EFR3A: variants seen among roughly 807,000 people sequenced by gnomAD.
The protein encoded by EFR3A is protein EFR3 homolog A.
A neutral mutation model predicts 104.4 loss-of-function variants in EFR3A; 76 were observed. The observed-to-expected ratio is 0.73, with a 90% CI of 0.60 to 0.88. EFR3A has a LOEUF of 0.88. Ranked by LOEUF, EFR3A falls within the 40% of genes least tolerant of loss-of-function variation. EFR3A has a pLI of 0.00. For synonymous variants in EFR3A, 330 were observed against 330.0 expected (o/e 1.00, Z 0.00); for missense variants, 985 against 1,012.5 (o/e 0.97, Z 0.37).
intron 7 of EFR3A, among the ~76,000 whole-genome samples, chr8:131,956,827 C>A (rs563286434): frequency 1.8e-4 from 27 of 152,050 alleles, no homozygotes; most frequent in Non-Finnish European, 3.1e-4. Context: ...TAAAGGCTCC[C>A]TAAGCTTATG....
chr8:131,987,093 G>T (rs1820923960), intron 17 of EFR3A, among the ~76,000 whole-genome samples: 1 of 152,058 alleles, frequency 6.6e-6, no homozygotes, highest in African/African-American at 2.4e-5. Flanking sequence ...TATTTTGAAA[G>T]CATCAGCATA....
At chr8:131,987,248 T>C (rs1007667073) in intron 17 of EFR3A, among the ~76,000 whole-genome samples, 5 of 152,150 alleles carry the variant, frequency 3.3e-5, no homozygotes, top group African/African-American at 1.2e-4. Flanking sequence ...GTACACTTTT[T>C]AATTAACATG....
rs1221125734 is a variant in EFR3A at position 131,984,929 on chromosome 8, G to T, written c.1738G>T (p.Asp580Tyr). Reference sequence around the variant, plus strand: ...CTGATGTGTTTGTTTCTTATTAAAGGACAGTGCAATTATCAATGAGGATAA... The same window carrying T: ...CTGATGTGTTTGTTTCTTATTAAAGTACAGTGCAATTATCAATGAGGATAA... ...DLIRLAIALQ[D>Y]SAIINEDNLP... The change falls in exon 16 of 23, where the codon GAC becomes TAC. Residue 580 changes from aspartate to tyrosine, a missense_variant and splice_region_variant. Transcript: ENST00000254624. The T allele has an allele frequency of 6.2e-7, 1 of 1,612,872 alleles. No homozygotes were observed. The highest frequency in any genetic ancestry group is 1.7e-5 in the Admixed American group (1 of 59,888).
At chr8:131,989,633 T>G (rs1821064780) in intron 18 of EFR3A, among the ~76,000 whole-genome samples, 1 of 152,168 alleles carries the variant, frequency 6.6e-6, no homozygotes, top group Admixed American at 6.5e-5. Flanking sequence ...TCCAGAAAGA[T>G]CCAGATTGAT....
At chr8:131,908,667 T>C (rs1717017440) in intron 1 of EFR3A, among the ~76,000 whole-genome samples, 1 of 152,172 alleles carries the variant, frequency 6.6e-6, no homozygotes, top group African/African-American at 2.4e-5. Context: ...TTATTGCAAC[T>C]AGATGGGTCT....
intron 5 of EFR3A, among the ~76,000 whole-genome samples, chr8:131,953,578 C>T (rs1181432771): frequency 6.6e-6 from 1 of 151,908 alleles, no homozygotes; most frequent in East Asian, 1.9e-4. Context: ...TTTTATAGTC[C>T]TTTTAACGTT....
At chr8:131,989,912 ACTTATCT>A (rs778951839) in intron 18 of EFR3A, among the ~76,000 whole-genome samples, 26 of 152,218 alleles carry the variant, frequency 1.7e-4, no homozygotes, top group Non-Finnish European at 3.2e-4. Context: ...ATTGTATTTT[ACTTATCT>A]CTTATCAACC....
At chr8:131,932,990 A>C (rs1817687755) in intron 1 of EFR3A, among the ~76,000 whole-genome samples, 2 of 152,284 alleles carry the variant, frequency 1.3e-5, no homozygotes, top group South Asian at 4.1e-4. Flanking sequence ...CATATTAATT[A>C]GCAAAGTAAA....
chr8:131,974,724 C>T (rs1820235124), intron 10 of EFR3A, among the ~76,000 whole-genome samples: 1 of 152,114 alleles, frequency 6.6e-6, no homozygotes, highest in South Asian at 2.1e-4. Flanking sequence ...CAACAATATA[C>T]TTTATGGAGA....
chr8:131,963,953 A>C (rs1360852037), intron 8 of EFR3A, among the ~76,000 whole-genome samples: 2 of 152,228 alleles, frequency 1.3e-5, no homozygotes, highest in Admixed American at 1.3e-4. Context: ...GCATATAAAC[A>C]GAACCAAAGA....
At chr8:131,935,571 TGAG>T (rs1376971434) in intron 1 of EFR3A, 1 of 419,838 alleles carries the variant, frequency 2.4e-6, no homozygotes, top group Non-Finnish European at 4.8e-6. Context: ...GAGAATTAAA[TGAG>T]AGAATTGCTA....
chr8:131,932,605 G>A (rs1253545595), intron 1 of EFR3A, among the ~76,000 whole-genome samples: 1 of 152,174 alleles, frequency 6.6e-6, no homozygotes, highest in East Asian at 1.9e-4. Context: ...AGCTAGCTTT[G>A]TTACTTTGTG....
intron 1 of EFR3A, among the ~76,000 whole-genome samples, chr8:131,912,894 A>G (rs1412715814): frequency 1.3e-5 from 2 of 152,074 alleles, no homozygotes; most frequent in Non-Finnish European, 2.9e-5. Context: ...GATTGCTATC[A>G]TGTAAAAATC....
At chr8:131,910,196 T>G (rs1563806023) in intron 1 of EFR3A, among the ~76,000 whole-genome samples, 1 of 152,220 alleles carries the variant, frequency 6.6e-6, no homozygotes, top group Non-Finnish European at 1.5e-5. Flanking sequence ...CCTAGCTTTT[T>G]GGGGAACTCA....
rs373437148 is a variant in EFR3A, at chr8:131,951,628, A to G, written c.488+1538A>G. Among the ~76,000 whole-genome samples, 66 of 152,226 alleles carry G rather than the reference A, an allele frequency of 4.3e-4. No homozygotes were observed. In the South Asian group the frequency reaches 0.014, roughly 32 times the overall value. ...CTAAGTATTTATCATCCCCTAGTGA[A>G]ATATCTTGTCTTTTGAATATATTTT... On this transcript the variant is annotated intron_variant, in intron 5 of 22. Coordinates refer to ENST00000254624, the MANE Select transcript of EFR3A (RefSeq NM_015137.6).
At chr8:132,003,142 C>A in intron 21 of EFR3A, 94 bp from the exon 22 acceptor site, 1 of 1,021,242 alleles carries the variant, frequency 9.8e-7, no homozygotes, top group South Asian at 1.6e-5. Flanking sequence ...GCTTAATAGT[C>A]ACAATTATAC....
At chr8:132,007,698 A>C (rs1822120054) in intron 22 of EFR3A, among the ~76,000 whole-genome samples, 1 of 152,020 alleles carries the variant, frequency 6.6e-6, no homozygotes, top group Admixed American at 6.6e-5. Flanking sequence ...AAGAATTTAC[A>C]CTGCCTAATT....
intron 14 of EFR3A, among the ~76,000 whole-genome samples, chr8:131,982,605 TACA>T (rs1201653340): frequency 6.6e-6 from 1 of 152,210 alleles, no homozygotes; most frequent in East Asian, 1.9e-4. Context: ...CATTACATAT[TACA>T]AATTTTTTAT....
rs561131265 is a variant in EFR3A at position 131,905,671 on chromosome 8, T to C, written c.10+1349T>C. Among the ~76,000 whole-genome samples the C allele has an allele frequency of 3.9e-5, 6 of 152,352 alleles. No homozygotes were observed. The South Asian group carries it at 1.2e-3, about 32-fold the overall frequency. On this transcript the variant is annotated intron_variant, in intron 1 of 22. Coordinates refer to ENST00000254624, the MANE Select transcript of EFR3A (RefSeq NM_015137.6). Reference sequence around the variant, plus strand: ...ATTCCTTTTGGCTGGAGGAATATCATTTACAATCATCTTCATTGTTATTGC... The same window carrying C: ...ATTCCTTTTGGCTGGAGGAATATCACTTACAATCATCTTCATTGTTATTGC...
Sources: gnomAD v4.1 joint callset for allele counts (sites outside exome capture counted in the v4.1 genomes callset) on GRCh38, gnomAD v4.1.1 for gene constraint, MANE v1.5 for transcripts, NCBI Gene and HGNC (gene_info 2026-07-23, HGNC 2026-07-21) for gene names.